RBFOX1: variants seen among roughly 807,000 people sequenced by gnomAD.
RBFOX1 encodes RNA binding fox-1 homolog 1.
A neutral mutation model predicts 57.7 loss-of-function variants in RBFOX1; 8 were observed. The observed-to-expected ratio is 0.14, with a 90% CI of 0.08 to 0.25. RBFOX1 has a LOEUF of 0.25. RBFOX1 is among the 10% of genes least tolerant of loss of function. RBFOX1 has a pLI of 1.00. For missense variants in RBFOX1, 611 were observed against 548.5 expected (o/e 1.11, Z -1.14); for synonymous variants, 326 against 222.4 (o/e 1.47, Z -4.15).
chr16:6,777,281 G>T (rs540962395), intron 3 of RBFOX1, among the ~76,000 whole-genome samples: 3 of 152,094 alleles, frequency 2.0e-5, no homozygotes, highest in Non-Finnish European at 4.4e-5. Context: ...GTTTTGTAAT[G>T]GAGTAATTGA....
At chr16:7,227,824 T>G (rs1044997567) in intron 4 of RBFOX1, among the ~76,000 whole-genome samples, 8 of 152,190 alleles carry the variant, frequency 5.3e-5, no homozygotes, top group Non-Finnish European at 5.9e-5. Context: ...CATGTGTGGG[T>G]AAGCCCACGG....
intron 2 of RBFOX1, among the ~76,000 whole-genome samples, chr16:6,584,855 A>G (rs1187684940): frequency 1.3e-5 from 2 of 152,152 alleles, no homozygotes; most frequent in African/African-American, 2.4e-5. Flanking sequence ...ATGCTGAGCT[A>G]TTGTTTCAAC....
intron 7 of RBFOX1, among the ~76,000 whole-genome samples, chr16:7,590,294 T>C (rs2152917003): frequency 6.6e-6 from 1 of 152,166 alleles, no homozygotes; most frequent in East Asian, 1.9e-4. Flanking sequence ...TACTTTGGAA[T>C]ATAGATCCAG....
chr16:7,697,895 A>C (rs2079296136), intron 14 of RBFOX1, among the ~76,000 whole-genome samples: 1 of 152,172 alleles, frequency 6.6e-6, no homozygotes, highest in South Asian at 2.1e-4. Context: ...CAGTTGTTCC[A>C]CTGGAATTTT....
At chr16:5,788,970 T>A (rs986319951) in intron 3 of RBFOX1, among the ~76,000 whole-genome samples, 40 of 152,162 alleles carry the variant, frequency 2.6e-4, no homozygotes, top group African/African-American at 9.4e-4. Flanking sequence ...CTGCCTACCC[T>A]ATGTGGGAGT....
intron 4 of RBFOX1, among the ~76,000 whole-genome samples, chr16:5,912,686 T>C (rs760067978): frequency 3.9e-5 from 6 of 152,218 alleles, no homozygotes; most frequent in Non-Finnish European, 8.8e-5. Flanking sequence ...AGTGCAGTAA[T>C]TTAAGCATGA....
chr16:5,419,086 G>T (rs957169928), intron 1 of RBFOX1, among the ~76,000 whole-genome samples: 1 of 152,236 alleles, frequency 6.6e-6, no homozygotes, highest in East Asian at 1.9e-4. Context: ...CCTGAGCCCA[G>T]TGGGTTCTTA....
intron 3 of RBFOX1, among the ~76,000 whole-genome samples, chr16:5,802,762 A>G (rs1048125450): frequency 1.3e-5 from 2 of 152,106 alleles, no homozygotes; most frequent in African/African-American, 4.8e-5. Flanking sequence ...CCACCAATAA[A>G]CTAAGTTTAT....
chr16:7,226,620 G>C (rs897222139), intron 4 of RBFOX1, among the ~76,000 whole-genome samples: 2 of 152,208 alleles, frequency 1.3e-5, no homozygotes, highest in East Asian at 1.9e-4. Flanking sequence ...AGTGCTTTCA[G>C]AGTTAACAAG....
chr16:7,103,722 A>G (rs922460380), intron 4 of RBFOX1, among the ~76,000 whole-genome samples: 9 of 152,220 alleles, frequency 5.9e-5, no homozygotes, highest in Non-Finnish European at 1.0e-4. Flanking sequence ...CTCATACAGG[A>G]CAAACTAAGC....
At chr16:6,943,780 C>G (rs1025949820) in intron 3 of RBFOX1, among the ~76,000 whole-genome samples, 1 of 151,550 alleles carries the variant, frequency 6.6e-6, no homozygotes, top group African/African-American at 2.4e-5. Context: ...AGCTGAACTT[C>G]AACCACTCAT....
intron 1 of RBFOX1, among the ~76,000 whole-genome samples, chr16:5,247,640 G>C (rs1441094053): frequency 6.6e-6 from 1 of 152,200 alleles, no homozygotes; most frequent in African/African-American, 2.4e-5. Flanking sequence ...ACCTATTTCA[G>C]TGCATATTGT....
chr16:6,967,803 C>G (rs1030735773), intron 3 of RBFOX1, among the ~76,000 whole-genome samples: 2 of 152,054 alleles, frequency 1.3e-5, no homozygotes, highest in Non-Finnish European at 2.9e-5. Context: ...TGACCAAGCC[C>G]TGAAACTAAG....
chr16:6,673,570 C>T (rs1029052590), intron 3 of RBFOX1, among the ~76,000 whole-genome samples: 2 of 152,098 alleles, frequency 1.3e-5, no homozygotes, highest in African/African-American at 4.8e-5. Context: ...CGCCACTGCA[C>T]TCAAGCCTGG....
chr16:6,787,757 C>T (rs1259751740), intron 3 of RBFOX1, among the ~76,000 whole-genome samples: 3 of 152,126 alleles, frequency 2.0e-5, no homozygotes, highest in African/African-American at 7.2e-5. Context: ...TGGCTTAATC[C>T]CCAAAACCTG....
rs926905975 is a variant in RBFOX1, at chr16:7,031,982, C to T, written c.-15-20075C>T. On this transcript the variant is annotated intron_variant, in intron 3 of 15. Transcript: ENST00000550418. ...TCCTCGTTATTTGAAGCATTTGTTACTGAAGTTAGTATGGCCTCCTGGCTT... is the reference window on the plus strand; with the variant it reads ...TCCTCGTTATTTGAAGCATTTGTTATTGAAGTTAGTATGGCCTCCTGGCTT... Among the ~76,000 whole-genome samples, 7 of 152,284 alleles carry T rather than the reference C, an allele frequency of 4.6e-5. No individual in the cohort carries two copies. In the South Asian group the frequency reaches 1.4e-3, roughly 32 times the overall value.
intron 4 of RBFOX1, among the ~76,000 whole-genome samples, chr16:7,151,718 G>A (rs1003194574): frequency 1.3e-5 from 2 of 152,066 alleles, no homozygotes; most frequent in Non-Finnish European, 2.9e-5. Flanking sequence ...TGTAGAATCA[G>A]TGGGAAGCCT....
chr16:7,681,538 G>A lies in RBFOX1; in HGVS notation c.995+4700G>A, dbSNP rs2074748983. 3.3e-5 allele frequency among the ~76,000 whole-genome samples: 5 copies of A among 152,230 alleles called. No homozygotes were observed. The South Asian group carries it at 8.3e-4, about 25-fold the overall frequency. ...AGACAGGCAAATAAGTATATTTACA[G>A]TGATATTCCATTTTAATTGGAGTTC... On this transcript the variant is annotated intron_variant, in intron 14 of 15. Coordinates refer to ENST00000550418, the MANE Select transcript of RBFOX1 (RefSeq NM_018723.4).
Position 5,655,455 on chromosome 16 carries a change from C to A in RBFOX1, c.318+56494C>A, listed in dbSNP as rs2049394780. Among the ~76,000 whole-genome samples the A allele has an allele frequency of 2.6e-5, 4 of 152,178 alleles. No individual in the cohort carries two copies. In the South Asian group the frequency reaches 8.3e-4, roughly 32 times the overall value. ...CATGAGCATATCTGGCAGGAAATGACATCTGTAGCAACAGCTGGCTGGAAG... is the reference window on the plus strand; with the variant it reads ...CATGAGCATATCTGGCAGGAAATGAAATCTGTAGCAACAGCTGGCTGGAAG... On this transcript the variant is annotated intron_variant, in intron 3 of 19. Transcript: ENST00000641259.
Sources: gnomAD v4.1 joint callset for allele counts (sites outside exome capture counted in the v4.1 genomes callset) on GRCh38, gnomAD v4.1.1 for gene constraint, MANE v1.5 for transcripts, NCBI Gene and HGNC (gene_info 2026-07-23, HGNC 2026-07-21) for gene names.